SVEP1: variants seen among roughly 807,000 people sequenced by gnomAD.
The protein encoded by SVEP1 is sushi, von Willebrand factor type A, EGF and pentraxin domain-containing protein 1.
Under a neutral mutation model 367.3 loss-of-function variants are expected in SVEP1, and 164 were observed. The observed-to-expected ratio is 0.45, with a 90% CI of 0.39 to 0.51. The LOEUF (loss-of-function observed/expected upper bound fraction) is 0.51. SVEP1 is among the 20% of genes least tolerant of loss of function. SVEP1 has a pLI of 0.00. For missense variants in SVEP1, 4,117 were observed against 4,425.3 expected (o/e 0.93, Z 1.98); for synonymous variants, 1,666 against 1,611.6 (o/e 1.03, Z -0.81).
At chr9:110,485,080 C>T (rs550210501) in intron 9 of SVEP1, among the ~76,000 whole-genome samples, 5 of 152,330 alleles carry the variant, frequency 3.3e-5, no homozygotes, top group African/African-American at 9.6e-5. Flanking sequence ...AATCCCATTA[C>T]TGGGTATATA....
intron 27 of SVEP1, among the ~76,000 whole-genome samples, chr9:110,437,543 T>C (rs2118573921): frequency 6.6e-6 from 1 of 152,350 alleles, no homozygotes. Context: ...CCTGGTTTTC[T>C]TTGAACCTTT....
chr9:110,489,531 G>C (rs1364727162), intron 9 of SVEP1, 119 bp downstream of exon 9: 1 of 953,480 alleles, frequency 1.0e-6, no homozygotes, highest in African/African-American at 1.7e-5. Context: ...GCATGGGAAA[G>C]ACCCACCTCT....
intron 22 of SVEP1, among the ~76,000 whole-genome samples, chr9:110,453,977 T>A (rs181291898): frequency 2.2e-4 from 33 of 152,290 alleles, no homozygotes; most frequent in African/African-American, 7.7e-4. Context: ...GATGAGCTTT[T>A]TTTCATGTTT....
At chr9:110,577,295 G>A (rs778782702) in intron 1 of SVEP1, among the ~76,000 whole-genome samples, 2 of 152,106 alleles carry the variant, frequency 1.3e-5, no homozygotes, top group Non-Finnish European at 2.9e-5. Flanking sequence ...AAATGAGATA[G>A]AGAATGGGAT....
chr9:110,398,267 G>A (rs1009516530), intron 40 of SVEP1, among the ~76,000 whole-genome samples: 2 of 152,150 alleles, frequency 1.3e-5, no homozygotes. Flanking sequence ...AATAAGTGGT[G>A]TTGGGAAAAC....
At chr9:110,531,450 G>A (rs535938388) in intron 3 of SVEP1, among the ~76,000 whole-genome samples, 4 of 152,232 alleles carry the variant, frequency 2.6e-5, no homozygotes, top group Non-Finnish European at 5.9e-5. Context: ...CTGTTCTCGT[G>A]ACAGTGAGTG....
At chr9:110,448,423 T>C (rs1386800066) in intron 24 of SVEP1, among the ~76,000 whole-genome samples, 5 of 152,372 alleles carry the variant, frequency 3.3e-5, no homozygotes, top group East Asian at 1.9e-4. Context: ...CTCTTTGATA[T>C]TGACCTAACA....
chr9:110,443,522 A>G (rs1828545399), intron 27 of SVEP1, 23 bp downstream of exon 27: 1 of 1,573,322 alleles, frequency 6.4e-7, no homozygotes, highest in Non-Finnish European at 8.6e-7. Context: ...CAACAGAATT[A>G]TACTCATTTT....
At chr9:110,450,699 TC>T (rs1303948929) in intron 23 of SVEP1, among the ~76,000 whole-genome samples, 3 of 151,924 alleles carry the variant, frequency 2.0e-5, no homozygotes, top group Admixed American at 6.6e-5. Flanking sequence ...GGTCTTGAAA[TC>T]CTGAGCTCAA....
intron 40 of SVEP1, among the ~76,000 whole-genome samples, chr9:110,393,155 CAT>C (rs1827693306): frequency 6.6e-6 from 1 of 152,040 alleles, no homozygotes. Flanking sequence ...TACATTTGTT[CAT>C]AATTTTATAT....
chr9:110,430,051 A>C, intron 33 of SVEP1, 47 bp from the exon 34 acceptor site: 1 of 1,580,588 alleles, frequency 6.3e-7, no homozygotes, highest in Non-Finnish European at 8.6e-7. Context: ...GACTGTGTGC[A>C]AAAATCTTTG....
intron 13 of SVEP1, among the ~76,000 whole-genome samples, chr9:110,478,984 T>A (rs1258721780): frequency 2.0e-5 from 3 of 151,898 alleles, no homozygotes; most frequent in Non-Finnish European, 4.4e-5. Flanking sequence ...CATGGCGCGA[T>A]CTGGTTCACT....
chr9:110,447,725 A>G (rs1353633371), intron 24 of SVEP1, among the ~76,000 whole-genome samples: 15 of 152,244 alleles, frequency 9.9e-5, no homozygotes, highest in Admixed American at 9.8e-4. Context: ...CCAGAGCCCT[A>G]TAAATCCATT....
rs775205674 is a variant in SVEP1, at chr9:110,483,611, A to C, written c.2013T>G (p.Asp671Glu). ...VSEKVHAASW[D>E]EPQFSDNSGA... ...CTGAGTTGTCTGAGAACTGAGGCTC[A>C]TCCCAGCTTGCGGCATGTACCTTCT... Residue 671 changes from aspartate to glutamate, a missense_variant, in exon 10 of 48, where the codon GAT (aspartate) becomes GAG (glutamate). Asp to Glu is a conservative substitution (Grantham distance 45). This residue lies in a region of SVEP1 where 2,174 missense variants were observed against 2,494.3 expected (regional missense o/e 0.87). Transcript: ENST00000374469. The C allele has an allele frequency of 6.2e-6, 10 of 1,612,882 alleles. No homozygotes were observed. The highest frequency in any genetic ancestry group is 7.6e-6 in the Non-Finnish European group (9 of 1,179,392).
At chr9:110,390,075 A>AAG (rs1282623427) in intron 40 of SVEP1, among the ~76,000 whole-genome samples, 54 of 110,478 alleles carry the variant, frequency 4.9e-4, no homozygotes, top group African/African-American at 1.8e-3. Context: ...GTATATATAT[A>AAG]TACGTGTATA....
At chr9:110,445,789 G>C in intron 26 of SVEP1, 48 bp downstream of exon 26, 1 of 1,601,602 alleles carries the variant, frequency 6.2e-7, no homozygotes, top group Non-Finnish European at 8.5e-7. Context: ...TTCTAATTCG[G>C]TTCCAAGATA....
At chr9:110,560,277 C>T (rs1588109161) in intron 1 of SVEP1, among the ~76,000 whole-genome samples, 3 of 152,220 alleles carry the variant, frequency 2.0e-5, no homozygotes, top group Admixed American at 2.0e-4. Context: ...TAGGCTATAC[C>T]ACCCAGGTTT....
rs111594422 is a variant in SVEP1 at position 110,382,486 on chromosome 9, C to T, written c.10238-2969G>A. On this transcript the variant is annotated intron_variant, in intron 43 of 47. Coordinates refer to ENST00000374469, the MANE Select transcript of SVEP1 (RefSeq NM_153366.4). ...TAGGTCACCTGGACTTTCTCTCTGG[C>T]TGCCCTTAACATTTTTTCCTTCATT... 2.6e-3 allele frequency among the ~76,000 whole-genome samples: 401 copies of T among 152,254 alleles called. 4 individuals are homozygous for T. The highest frequency in any genetic ancestry group is 9.1e-3 in the African/African-American group (377 of 41,550).
intron 36 of SVEP1, among the ~76,000 whole-genome samples, chr9:110,415,281 A>C (rs1281841402): frequency 6.6e-6 from 1 of 152,018 alleles, no homozygotes; most frequent in Non-Finnish European, 1.5e-5. Flanking sequence ...ATTCAAGGAA[A>C]GGCCAATGAA....
Sources: gnomAD v4.1 joint callset for allele counts (sites outside exome capture counted in the v4.1 genomes callset) on GRCh38, gnomAD v4.1.1 for gene constraint, gnomAD v4.1.1 regional missense constraint, MANE v1.5 for transcripts, NCBI Gene and HGNC (gene_info 2026-07-23, HGNC 2026-07-21) for gene names.